NALF1: variants seen among roughly 807,000 people sequenced by gnomAD.
NALF1 encodes family with sequence similarity 155 member A.
NALF1 carries 3 observed loss-of-function variants against 48.4 expected under a neutral mutation model. The ratio of observed to expected loss-of-function variants is 0.06; its 90% confidence interval spans 0.03 to 0.16. NALF1 has a LOEUF of 0.16. Ranked by LOEUF, NALF1 falls within the 10% of genes least tolerant of loss-of-function variation. The pLI, the probability that NALF1 is intolerant of heterozygous loss-of-function variation, is 1.00. For synonymous variants in NALF1, 262 were observed against 245.7 expected (o/e 1.07, Z -0.62); for missense variants, 526 against 571.5 (o/e 0.92, Z 0.81).
chr13:107,465,028 T>G (rs1227031976), intron 1 of NALF1, among the ~76,000 whole-genome samples: 1 of 152,168 alleles, frequency 6.6e-6, no homozygotes, highest in African/African-American at 2.4e-5. Context: ...GGTCACACTT[T>G]GCATTTTTTA....
At chr13:107,350,099 C>A (rs12584446) in intron 1 of NALF1, among the ~76,000 whole-genome samples, 28,941 of 151,990 alleles carry the variant, frequency 0.19, 3,211 homozygotes, top group East Asian at 0.37. Context: ...AGAGCTCAGG[C>A]GGTAATGCTC....
chr13:107,642,666 G>T (rs992513820), intron 1 of NALF1, among the ~76,000 whole-genome samples: 3 of 152,138 alleles, frequency 2.0e-5, no homozygotes, highest in Non-Finnish European at 2.9e-5. Flanking sequence ...GCACATCACA[G>T]AGGGATACAT....
At chr13:107,295,796 A>G (rs1345640420) in intron 1 of NALF1, among the ~76,000 whole-genome samples, 1 of 152,170 alleles carries the variant, frequency 6.6e-6, no homozygotes, top group African/African-American at 2.4e-5. Context: ...TCAAAACCCT[A>G]TGGGCATAAA....
rs78744337 is a variant in NALF1, at chr13:107,193,261, C to G, written c.1087+17323G>C. Among the ~76,000 whole-genome samples, 1,011 of 152,086 alleles carry G rather than the reference C, an allele frequency of 6.6e-3. 13 individuals carry two copies. The highest frequency in any genetic ancestry group is 0.022 in the African/African-American group (928 of 41,480). On this transcript the variant is annotated intron_variant, in intron 2 of 2. Transcript: ENST00000375915. ...TGACTTTGCAGAAAGAATGCTTTGGCTTTTTAGGATATGTGAACAAAACGG... is the reference window on the plus strand; with the variant it reads ...TGACTTTGCAGAAAGAATGCTTTGGGTTTTTAGGATATGTGAACAAAACGG...
At chr13:107,666,663 C>A (rs9514721) in intron 1 of NALF1, among the ~76,000 whole-genome samples, 82,303 of 151,996 alleles carry the variant, frequency 0.54, 23,453 homozygotes, top group Middle Eastern at 0.71. Context: ...TTTATCTTCA[C>A]AAATTGATGT....
At chr13:107,226,349 C>G (rs1399027194) in intron 1 of NALF1, among the ~76,000 whole-genome samples, 2 of 152,166 alleles carry the variant, frequency 1.3e-5, no homozygotes, top group Non-Finnish European at 2.9e-5. Flanking sequence ...ATATCTTTTA[C>G]ATTTTTCAGC....
chr13:107,516,102 T>A (rs1226615262), intron 1 of NALF1, among the ~76,000 whole-genome samples: 1 of 152,190 alleles, frequency 6.6e-6, no homozygotes, highest in African/African-American at 2.4e-5. Flanking sequence ...GGTTTCAATA[T>A]TAACTGGAAA....
intron 1 of NALF1, among the ~76,000 whole-genome samples, chr13:107,409,166 A>G (rs1002705264): frequency 6.6e-6 from 1 of 152,158 alleles, no homozygotes; most frequent in African/African-American, 2.4e-5. Flanking sequence ...AAGAAAGATT[A>G]ACCACCCAAC....
chr13:107,212,965 G>A (rs1242982896), intron 1 of NALF1, among the ~76,000 whole-genome samples: 4 of 151,942 alleles, frequency 2.6e-5, no homozygotes, highest in South Asian at 2.1e-4. Flanking sequence ...CATTCCCACC[G>A]CTCCCTCACA....
At chr13:107,496,768 G>C (rs1212986776) in intron 1 of NALF1, among the ~76,000 whole-genome samples, 4 of 152,164 alleles carry the variant, frequency 2.6e-5, no homozygotes, top group Non-Finnish European at 4.4e-5. Flanking sequence ...GGAGGAGCAA[G>C]TCACATCTTA....
chr13:107,484,890 A>AT (rs1486645586), intron 1 of NALF1, among the ~76,000 whole-genome samples: 1 of 152,074 alleles, frequency 6.6e-6, no homozygotes, highest in African/African-American at 2.4e-5. Context: ...ACGGTAATCC[A>AT]TTTTTTGCTG....
chr13:107,685,531 A>G (rs1160342258), intron 1 of NALF1, among the ~76,000 whole-genome samples: 1 of 152,062 alleles, frequency 6.6e-6, no homozygotes, highest in Non-Finnish European at 1.5e-5. Flanking sequence ...AATCTTTTTT[A>G]AAATGATTAA....
chr13:107,467,963 G>T (rs1299864649), intron 1 of NALF1, among the ~76,000 whole-genome samples: 1 of 151,720 alleles, frequency 6.6e-6, no homozygotes, highest in Non-Finnish European at 1.5e-5. Flanking sequence ...CAGGAGAATG[G>T]CGTGAACCCG....
At chr13:107,774,460 A>G (rs1877665932) in intron 1 of NALF1, among the ~76,000 whole-genome samples, 1 of 152,200 alleles carries the variant, frequency 6.6e-6, no homozygotes, top group African/African-American at 2.4e-5. Context: ...TTACAGTCAG[A>G]TAGTATATGT....
intron 1 of NALF1, among the ~76,000 whole-genome samples, chr13:107,545,196 A>C (rs1877104917): frequency 6.6e-6 from 1 of 152,224 alleles, no homozygotes; most frequent in Non-Finnish European, 1.5e-5. Flanking sequence ...ACATAAAGAC[A>C]GATACATGCA....
chr13:107,790,345 C>T (rs533598554), intron 1 of NALF1, among the ~76,000 whole-genome samples: 1 of 152,070 alleles, frequency 6.6e-6, no homozygotes, highest in African/African-American at 2.4e-5. Context: ...AAATAGGCAA[C>T]AAATTGAAGA....
At chr13:107,759,334 G>A (rs748158088) in intron 1 of NALF1, among the ~76,000 whole-genome samples, 20 of 152,166 alleles carry the variant, frequency 1.3e-4, no homozygotes, top group Admixed American at 3.3e-4. Flanking sequence ...TCAGCCTCCC[G>A]AGTAGCTAGG....
At chr13:107,623,596 T>C (rs1476541143) in intron 1 of NALF1, among the ~76,000 whole-genome samples, 1 of 152,206 alleles carries the variant, frequency 6.6e-6, no homozygotes, top group Non-Finnish European at 1.5e-5. Context: ...TTTCATTCTG[T>C]TGTATGCATA....
chr13:107,201,252 A>G (rs1203976787), intron 2 of NALF1, among the ~76,000 whole-genome samples: 2 of 152,190 alleles, frequency 1.3e-5, no homozygotes, highest in Admixed American at 1.3e-4. Flanking sequence ...GGCACATATC[A>G]TAGGCCTTGG....
Sources: gnomAD v4.1 joint callset for allele counts (sites outside exome capture counted in the v4.1 genomes callset) on GRCh38, gnomAD v4.1.1 for gene constraint, MANE v1.5 for transcripts, NCBI Gene and HGNC (gene_info 2026-07-23, HGNC 2026-07-21) for gene names.